The following GOLGA4 variants were observed in gnomAD, a reference collection of about 807,000 sequenced individuals.
GOLGA4 encodes the protein golgin A4, also known as golgin subfamily A member 4.
A neutral mutation model predicts 265.9 loss-of-function variants in GOLGA4; 169 were observed. The ratio of observed to expected loss-of-function variants is 0.64; its 90% CI spans 0.56 to 0.72. GOLGA4 has a LOEUF of 0.72. GOLGA4 is among the 30% of genes least tolerant of loss of function. The pLI is 0.00. For synonymous variants in GOLGA4, 923 were observed against 855.8 expected, an observed-to-expected ratio of 1.08 and a Z score of -1.37; for missense variants, 2,482 against 2,483.4, an observed-to-expected ratio of 1.00 and a Z score of 0.01.
chr3:37,246,944 A>C (rs2096721323), intron 1 of GOLGA4, among the ~76,000 whole-genome samples: 1 of 152,176 alleles, frequency 6.6e-6, no homozygotes, highest in African/African-American at 2.4e-5. Flanking sequence ...AAAAACCAGC[A>C]AACAGTTCCA....
At chr3:37,298,085 C>G (rs1028502895) in intron 7 of GOLGA4, among the ~76,000 whole-genome samples, 1 of 151,854 alleles carries the variant, frequency 6.6e-6, no homozygotes, top group South Asian at 2.1e-4. Context: ...CTGGAAGTGT[C>G]CTTATATTTG....
In GOLGA4 at chr3:37,363,802, CT is replaced by C. The variant is rs1360139179; in HGVS notation, c.*34-2276del. ...ATAATTTTTTAGAATCCAGGATCCA[CT>C]TGAGATTTCACATTGCATTTAGTGG... On this transcript the variant is annotated intron_variant, in intron 23 of 23. Coordinates refer to ENST00000361924, the MANE Select transcript of GOLGA4 (RefSeq NM_002078.5). Among the ~76,000 whole-genome samples the C allele has an allele frequency of 6.6e-5, 10 of 152,264 alleles. No individual in the cohort carries two copies. The East Asian group carries it at 1.2e-3, about 18-fold the overall frequency.
At chr3:37,295,185 A>G (rs2096874938) in intron 6 of GOLGA4, 108 bp downstream of exon 6, 1 of 577,012 alleles carries the variant, frequency 1.7e-6, no homozygotes, top group Admixed American at 3.6e-5. Flanking sequence ...TTTAAGACCT[A>G]TTTTTAAAAC....
At chr3:37,364,614 C>G (rs1394782081) in intron 23 of GOLGA4, among the ~76,000 whole-genome samples, 1 of 149,980 alleles carries the variant, frequency 6.7e-6, no homozygotes, top group Non-Finnish European at 1.5e-5. Flanking sequence ...TTTTTGCCCC[C>G]CAGCATGGTC....
Position 37,355,160 on chromosome 3 carries a change from T to G in GOLGA4, c.6636T>G (p.Ile2212Met). The change falls in exon 22 of 24, where the codon ATT (isoleucine) becomes ATG (methionine). Residue 2212 changes from isoleucine (I) to methionine (M), a missense_variant. Transcript: ENST00000361924. ...LKFPDDQTQK[I>M]LEREDARLMF... ...TCCCTGATGATCAGACTCAGAAAAT[T>G]TTGGAAAGAGAAGATGCTCGGCTGA... 1 of 1,605,904 alleles carries G rather than the reference T, an allele frequency of 6.2e-7. No homozygotes were observed. The highest frequency in any genetic ancestry group is 8.5e-7 in the Non-Finnish European group (1 of 1,172,816).
chr3:37,356,207 GT>G lies in GOLGA4; in HGVS notation c.6663+1024del, dbSNP rs1163703810. The stretch of plus-strand genomic sequence containing the variant: ...ATCTGGGGATGGCCTAGATGGAGGG[GT>G]TTTCCTCCTCCCGGCTAAATAATAC... On this transcript the variant is annotated intron_variant, in intron 22 of 23. Coordinates refer to ENST00000361924, the MANE Select transcript of GOLGA4 (RefSeq NM_002078.5). Among the ~76,000 whole-genome samples the G allele has an allele frequency of 8.5e-4, 130 of 152,188 alleles. 1 individual carries two copies. Among genetic ancestry groups the G allele is most frequent in the Non-Finnish European group, 1.3e-4 (9 of 67,970 alleles).
At chr3:37,320,290 G>C (rs1178703764) in intron 12 of GOLGA4, 1 of 152,076 alleles carries the variant, frequency 6.6e-6, no homozygotes, top group Non-Finnish European at 1.5e-5. Context: ...AATGTAATTT[G>C]TTTTTGTATG....
chr3:37,282,836 A>G (rs1389454222), intron 3 of GOLGA4, among the ~76,000 whole-genome samples: 5 of 152,330 alleles, frequency 3.3e-5, no homozygotes, highest in East Asian at 3.9e-4. Context: ...AAGGAAGTCA[A>G]TGCTAGTCCA....
intron 3 of GOLGA4, among the ~76,000 whole-genome samples, chr3:37,284,362 C>G (rs538355629): frequency 6.6e-6 from 1 of 151,910 alleles, no homozygotes; most frequent in Non-Finnish European, 1.5e-5. Flanking sequence ...CCTACTGGGT[C>G]CTGGGCCAAG....
chr3:37,257,826 T>G (rs367848158), intron 2 of GOLGA4, among the ~76,000 whole-genome samples: 19 of 149,436 alleles, frequency 1.3e-4, no homozygotes, highest in African/African-American at 4.4e-4. Flanking sequence ...CCTGGGGCCT[T>G]ATCCACAAAC....
chr3:37,269,565 A>C (rs576429655), intron 2 of GOLGA4, among the ~76,000 whole-genome samples: 1 of 152,182 alleles, frequency 6.6e-6, no homozygotes, highest in Non-Finnish European at 1.5e-5. Context: ...AAAAATAGGC[A>C]TAAGGAATGT....
chr3:37,313,937 A>T (rs2096929932), intron 10 of GOLGA4, among the ~76,000 whole-genome samples: 1 of 151,858 alleles, frequency 6.6e-6, no homozygotes, highest in South Asian at 2.1e-4. Context: ...GACCATCTGT[A>T]TACACAAATA....
chr3:37,256,976 G>A (rs751189807), intron 2 of GOLGA4, among the ~76,000 whole-genome samples: 10 of 151,686 alleles, frequency 6.6e-5, no homozygotes, highest in African/African-American at 1.9e-4. Flanking sequence ...ATTAAGTAGC[G>A]TTCAGTACAT....
chr3:37,266,425 C>T (rs1416237175), intron 2 of GOLGA4, among the ~76,000 whole-genome samples: 3 of 152,144 alleles, frequency 2.0e-5, no homozygotes, highest in Admixed American at 6.5e-5. Context: ...ATCTTGAATT[C>T]CTGACCTCGT....
intron 2 of GOLGA4, chr3:37,266,916 TC>T (rs1417652858): frequency 9.3e-6 from 12 of 1,285,022 alleles, no homozygotes; most frequent in Non-Finnish European, 1.1e-5. Context: ...CCTCCAAACA[TC>T]CTAAAACACA....
At chr3:37,266,529 A>G (rs1301820681) in intron 2 of GOLGA4, among the ~76,000 whole-genome samples, 1 of 152,116 alleles carries the variant, frequency 6.6e-6, no homozygotes, top group Non-Finnish European at 1.5e-5. Flanking sequence ...ATTGATTTTT[A>G]TAACAGAGTG....
At chr3:37,345,870 C>G (rs996003590) in intron 20 of GOLGA4, among the ~76,000 whole-genome samples, 4 of 151,650 alleles carry the variant, frequency 2.6e-5, no homozygotes, top group Non-Finnish European at 5.9e-5. Flanking sequence ...TCACTTGAAC[C>G]TGGGAGGCGG....
At chr3:37,306,691 A>T (rs1358615268) in intron 10 of GOLGA4, among the ~76,000 whole-genome samples, 1 of 152,118 alleles carries the variant, frequency 6.6e-6, no homozygotes, top group Non-Finnish European at 1.5e-5. Flanking sequence ...ATAATACGGC[A>T]CATTCAATTT....
chr3:37,363,146 A>G (rs1483675280), intron 23 of GOLGA4, among the ~76,000 whole-genome samples: 2 of 152,004 alleles, frequency 1.3e-5, no homozygotes, highest in Admixed American at 1.3e-4. Flanking sequence ...ATTTTAATAT[A>G]TATTATTTGA....
Sources: allele counts gnomAD v4.1 joint callset (sites outside exome capture counted in the v4.1 genomes callset), GRCh38; gene constraint gnomAD v4.1.1; transcripts MANE v1.5; gene names NCBI Gene and HGNC (gene_info 2026-07-23, HGNC 2026-07-21).